SEH1L: variants seen among roughly 807,000 people sequenced by gnomAD.
SEH1L encodes SEH1 like nucleoporin.
In SEH1L, 18 loss-of-function variants were observed where a neutral mutation model predicts 49.5. The ratio of observed to expected loss-of-function variants is 0.36; its 90% CI spans 0.25 to 0.54. The LOEUF (loss-of-function observed/expected upper bound fraction) is 0.54, where lower values mean the gene tolerates loss of function less well. SEH1L is among the 20% of genes least tolerant of loss of function. The pLI is 0.87. For synonymous variants in SEH1L, 169 were observed against 178.1 expected, an observed-to-expected ratio of 0.95 and a Z score of 0.41; for missense variants, 404 against 528.8, an observed-to-expected ratio of 0.76 and a Z score of 2.31.
chr18:12,949,308 T>C (rs1360244912), intron 1 of SEH1L, among the ~76,000 whole-genome samples: 4 of 152,130 alleles, frequency 2.6e-5, no homozygotes, highest in African/African-American at 9.7e-5. Context: ...GGATAGTTTA[T>C]CCTTTTTCAC....
At chr18:12,976,054 G>T (rs2031903448) in intron 5 of SEH1L, 1 of 166,090 alleles carries the variant, frequency 6.0e-6, no homozygotes, top group Non-Finnish European at 1.2e-5. Flanking sequence ...GCTGAGATTA[G>T]TTGTCTATTG....
intron 6 of SEH1L, among the ~76,000 whole-genome samples, chr18:12,981,041 G>T (rs1228669046): frequency 6.7e-6 from 1 of 149,740 alleles, no homozygotes; most frequent in African/African-American, 2.5e-5. Flanking sequence ...GCTGCCGGGC[G>T]GAGGGGCTTC....
At chr18:12,985,706 AT>A (rs1002711342) in intron 8 of SEH1L, 198 of 951,354 alleles carry the variant, frequency 2.1e-4, no homozygotes, top group Non-Finnish European at 2.4e-4. Context: ...TTGAATAAAT[AT>A]TTTTTATAAA....
chr18:12,953,242 A>G (rs2030654012), intron 2 of SEH1L, among the ~76,000 whole-genome samples: 1 of 152,020 alleles, frequency 6.6e-6, no homozygotes, highest in African/African-American at 2.4e-5. Flanking sequence ...GTATATTGCC[A>G]CGTTTTGTTT....
chr18:12,987,120 C>T lies in SEH1L; in HGVS notation c.*63C>T. On this transcript the variant is annotated 3_prime_UTR_variant, in exon 9 of 9. Transcript: ENST00000399892. ...TTGTAAATGCTTTCATTTCTGGCTG[C>T]TTTTTGTTTTTCATTTTCTTTCAGA... 1 of 1,239,312 alleles carries T rather than the reference C, an allele frequency of 8.1e-7. No individual in the cohort carries two copies. Among genetic ancestry groups the T allele is most frequent in the Non-Finnish European group, 1.1e-6 (1 of 895,792 alleles). The allele number at this position is 1,239,312 out of a possible 1,614,324, so 76.8% of individuals were successfully genotyped here. A position where few individuals can be genotyped will look rare whatever the true frequency, so the allele number is the denominator to read the frequency against.
At chr18:12,948,494 T>G in intron 1 of SEH1L, 1 of 299,764 alleles carries the variant, frequency 3.3e-6, no homozygotes. Flanking sequence ...CCGGGCCCTC[T>G]CCCAGGCCGC....
At chr18:12,950,935 C>T (rs1437239518) in intron 1 of SEH1L, among the ~76,000 whole-genome samples, 1 of 152,120 alleles carries the variant, frequency 6.6e-6, no homozygotes, top group East Asian at 1.9e-4. Flanking sequence ...ATCCCTCCTG[C>T]CTCAGCCTCT....
intron 1 of SEH1L, among the ~76,000 whole-genome samples, chr18:12,950,759 A>G (rs1290526651): frequency 6.6e-6 from 1 of 152,184 alleles, no homozygotes; most frequent in African/African-American, 2.4e-5. Flanking sequence ...CCCTCGTTAC[A>G]TTTTTAACAG....
At chr18:12,967,542 GA>G (rs1156542860) in intron 4 of SEH1L, among the ~76,000 whole-genome samples, 2 of 152,234 alleles carry the variant, frequency 1.3e-5, no homozygotes, top group African/African-American at 4.8e-5. Flanking sequence ...GCCAAAGGAA[GA>G]AGGCACTTCT....
intron 1 of SEH1L, among the ~76,000 whole-genome samples, chr18:12,950,029 T>A (rs2145599928): frequency 6.6e-6 from 1 of 152,116 alleles, no homozygotes; most frequent in African/African-American, 2.4e-5. Flanking sequence ...TTTTTTTTTC[T>A]TTTTTCTTTT....
intron 1 of SEH1L, among the ~76,000 whole-genome samples, chr18:12,949,449 T>TTTTTTTG (rs2030364170): frequency 1.8e-5 from 2 of 113,950 alleles, no homozygotes; most frequent in African/African-American, 6.7e-5. Flanking sequence ...ACCGTTTTTT[T>TTTTTTTG]TTTTTTTTTT....
At chr18:12,986,115 TGTCA>T in intron 8 of SEH1L, 1 of 984,732 alleles carries the variant, frequency 1.0e-6, no homozygotes, top group Non-Finnish European at 1.2e-6. Flanking sequence ...GTAAATTAAT[TGTCA>T]GCATTCCATG....
At chr18:12,955,917 C>T (rs577606706) in intron 3 of SEH1L, among the ~76,000 whole-genome samples, 2 of 151,884 alleles carry the variant, frequency 1.3e-5, no homozygotes, top group South Asian at 2.1e-4. Context: ...AGTATTCTGG[C>T]TCACTGCAGT....
At chr18:12,948,309 C>T (rs2030244464) in intron 1 of SEH1L, 77 bp downstream of exon 1, 2 of 1,080,840 alleles carry the variant, frequency 1.9e-6, no homozygotes, top group Admixed American at 1.9e-5. Flanking sequence ...GGGAACGGGG[C>T]TGTGTCTTGG....
At chr18:12,982,850 GAATT>G (rs1460785119) in intron 7 of SEH1L, 175 bp downstream of exon 7, 1 of 535,328 alleles carries the variant, frequency 1.9e-6, no homozygotes, top group Non-Finnish European at 3.2e-6. Flanking sequence ...GTTAATGACT[GAATT>G]GTTTTTTAAG....
intron 2 of SEH1L, among the ~76,000 whole-genome samples, chr18:12,953,501 T>C (rs1201346743): frequency 6.6e-6 from 1 of 152,344 alleles, no homozygotes; most frequent in African/African-American, 2.4e-5. Context: ...CTCGATAATA[T>C]CTGTCTTTTT....
chr18:12,964,188 A>G (rs969753377), intron 4 of SEH1L, among the ~76,000 whole-genome samples: 4 of 152,220 alleles, frequency 2.6e-5, no homozygotes, highest in African/African-American at 9.6e-5. Flanking sequence ...TTTTTAAACA[A>G]TTATAAGAAT....
chr18:12,975,244 G>A (rs1377903407), intron 5 of SEH1L, among the ~76,000 whole-genome samples: 6 of 151,822 alleles, frequency 4.0e-5, no homozygotes, highest in South Asian at 2.1e-4. Context: ...TGCCTGCTTC[G>A]GCCTCCCAAA....
rs140288468 is a variant in SEH1L at position 12,986,448 on chromosome 18, T to C, written c.1071-414T>C. ...TGTACGCACTAAAAAAAATGTGTGCTTGCTGCTGCTGTGAGTGAACCATTG... is the reference window on the plus strand; with the variant it reads ...TGTACGCACTAAAAAAAATGTGTGCCTGCTGCTGCTGTGAGTGAACCATTG... On this transcript the variant is annotated intron_variant, in intron 8 of 8. Transcript: ENST00000399892. 1.3e-4 allele frequency: 130 copies of C among 986,262 alleles called. No homozygotes were observed. In the African/African-American group the frequency reaches 2.0e-3, roughly 15 times the overall value. 61.1% of individuals were successfully genotyped at this position (986,262 alleles called of 1,614,324 possible).
Sources: gnomAD v4.1 joint callset for allele counts (sites outside exome capture counted in the v4.1 genomes callset) on GRCh38, gnomAD v4.1.1 for gene constraint, MANE v1.5 for transcripts, NCBI Gene and HGNC (gene_info 2026-07-23, HGNC 2026-07-21) for gene names.